The following STARD9 variants were observed in gnomAD, a reference collection of about 807,000 sequenced individuals.
The protein encoded by STARD9 is StAR related lipid transfer domain containing 9.
STARD9 carries 346 observed loss-of-function variants against 399.8 expected under a neutral mutation model. The observed-to-expected ratio is 0.87, with a 90% CI of 0.79 to 0.95. The LOEUF (loss-of-function observed/expected upper bound fraction) is 0.95. STARD9 is among the 40% of genes least tolerant of loss of function. The pLI, the probability that STARD9 is intolerant of heterozygous loss-of-function variation, is 0.00. For synonymous variants in STARD9, 2,203 were observed against 2,143.5 expected, an observed-to-expected ratio of 1.03 and a Z score of -0.77; for missense variants, 5,832 against 5,667.5, an observed-to-expected ratio of 1.03 and a Z score of -0.93.
chr15:42,599,233 C>G (rs1396135311), intron 3 of STARD9, among the ~76,000 whole-genome samples: 2 of 152,146 alleles, frequency 1.3e-5, no homozygotes, highest in African/African-American at 4.8e-5. Flanking sequence ...ACTTGGGGAT[C>G]TCTTTTAAAA....
In STARD9 at chr15:42,689,614, C is replaced by G. The variant is rs1277256669; in HGVS notation, c.8036C>G (p.Thr2679Ser). 7.2e-6 allele frequency: 11 copies of G among 1,537,362 alleles called. No homozygotes were observed. The Admixed American group carries it at 2.2e-4, about 30-fold the overall frequency. ...AAPAQDRKRRTGELRQFAGAS... is the reference protein window; with the variant it reads ...AAPAQDRKRRSGELRQFAGAS... ...CCTGCTCAAGACAGGAAACGTCGTA[C>G]TGGAGAACTGAGGCAGTTCGCGGGA... Residue 2679 changes from threonine to serine, a missense_variant, in exon 23 of 33, where the codon ACT becomes AGT. Coordinates refer to ENST00000290607, the MANE Select transcript of STARD9 (RefSeq NM_020759.3).
At chr15:42,670,946 A>C (rs2060191121) in intron 16 of STARD9, 2 of 152,136 alleles carry the variant, frequency 1.3e-5, no homozygotes, top group Non-Finnish European at 2.9e-5. Context: ...AGATTGATTA[A>C]AATGGTCACT....
chr15:42,589,217 TTTA>T (rs2141687686), intron 3 of STARD9, among the ~76,000 whole-genome samples: 1 of 152,226 alleles, frequency 6.6e-6, no homozygotes, highest in African/African-American at 2.4e-5. Context: ...TTAACAATTA[TTTA>T]TTATTATTTT....
intron 14 of STARD9, 86 bp from the exon 15 acceptor site, chr15:42,665,700 C>T: frequency 1.8e-6 from 2 of 1,086,596 alleles, no homozygotes; most frequent in Non-Finnish European, 2.7e-6. Context: ...TTATCTGCAT[C>T]TTATCCTCCT....
At position 42,665,224 on chromosome 15, in the gene STARD9, CAGTGGTGA is replaced by C. The variant is rs751410632; in HGVS notation, c.1177-28_1177-21del. 2.0e-6 allele frequency: 3 copies of C among 1,512,234 alleles called. No individual in the cohort carries two copies. The South Asian group carries it at 3.6e-5, about 18-fold the overall frequency. The allele number at this position is 1,512,234 out of a possible 1,614,324, so 93.7% of individuals were successfully genotyped here. On this transcript the variant is annotated intron_variant, in intron 13 of 32. Coordinates refer to ENST00000290607, the MANE Select transcript of STARD9 (RefSeq NM_020759.3). ...CAGCTGAGTGGGACTTGATAACAAT[CAGTGGTGA>C]TGGAGTTCTCTGTGTTTCAGGATGC...
intron 26 of STARD9, among the ~76,000 whole-genome samples, chr15:42,698,655 G>T (rs771185007): frequency 6.6e-6 from 1 of 151,992 alleles, no homozygotes; most frequent in African/African-American, 2.4e-5. Flanking sequence ...ATATTTGTCC[G>T]TTTTCCTTTT....
chr15:42,701,260 AG>A (rs2060958020), intron 26 of STARD9, among the ~76,000 whole-genome samples: 2 of 152,128 alleles, frequency 1.3e-5, no homozygotes, highest in Non-Finnish European at 2.9e-5. Flanking sequence ...TATGAATTTT[AG>A]GATTATTTTT....
At chr15:42,630,982 C>CT (rs1320873788) in intron 3 of STARD9, among the ~76,000 whole-genome samples, 232 of 138,686 alleles carry the variant, frequency 1.7e-3, no homozygotes, top group South Asian at 7.2e-3. Flanking sequence ...TTTTCTAGCT[C>CT]TTTTTTTTTT....
At chr15:42,609,853 G>A (rs1256426423) in intron 3 of STARD9, among the ~76,000 whole-genome samples, 1 of 152,106 alleles carries the variant, frequency 6.6e-6, no homozygotes, top group African/African-American at 2.4e-5. Context: ...AGCACTTTGG[G>A]AGGCTGAGGC....
chr15:42,661,594 G>C (rs1300366777), intron 10 of STARD9, among the ~76,000 whole-genome samples: 2 of 151,938 alleles, frequency 1.3e-5, no homozygotes, highest in African/African-American at 4.8e-5. Flanking sequence ...ACAGGCACGT[G>C]ACACCACATC....
rs186674983 is a variant in STARD9, at chr15:42,619,727, G to A, written c.235-15129G>A. ...GAGAGTAGCTGTAAATACAGATGAA[G>A]CTTTACTTGCTCCTCGCCTGCCTGC... On this transcript the variant is annotated intron_variant, in intron 3 of 32. Transcript: ENST00000290607. Among the ~76,000 whole-genome samples the A allele has an allele frequency of 3.7e-3, 570 of 152,258 alleles. 2 individuals carry two copies. The highest frequency in any genetic ancestry group is 5.5e-3 in the Non-Finnish European group (371 of 68,016).
intron 3 of STARD9, among the ~76,000 whole-genome samples, chr15:42,602,728 A>T (rs2058652325): frequency 2.0e-5 from 3 of 152,230 alleles, no homozygotes; most frequent in Non-Finnish European, 4.4e-5. Flanking sequence ...TTACAAAGTC[A>T]TACCTCTATG....
chr15:42,688,486 G>A lies in STARD9; in HGVS notation c.6908G>A (p.Cys2303Tyr). 1 of 1,537,928 alleles carries A rather than the reference G, an allele frequency of 6.5e-7. No individual in the cohort carries two copies. The highest frequency in any genetic ancestry group is 1.2e-5 in the South Asian group (1 of 84,064). Reference sequence around the variant, plus strand: ...AAATTTCCTAGTCTCAGCCAGCTTTGTAGGGACACGTTTTTCAGGCAGGAA... The same window carrying A: ...AAATTTCCTAGTCTCAGCCAGCTTTATAGGGACACGTTTTTCAGGCAGGAA... Reference protein sequence around the residue: ...TQKFPSLSQLCRDTFFRQETV... With the variant: ...TQKFPSLSQLYRDTFFRQETV... The change falls in exon 23 of 33, where the codon TGT (cysteine) becomes TAT (tyrosine). Residue 2303 changes from cysteine (C) to tyrosine (Y), a missense_variant. Transcript: ENST00000290607.
intron 12 of STARD9, 35 bp downstream of exon 12, chr15:42,663,525 A>T (rs1419210566): frequency 6.6e-7 from 1 of 1,517,754 alleles, no homozygotes; most frequent in Non-Finnish European, 8.8e-7. Flanking sequence ...CTGTGTTGGG[A>T]CTGGTACTCT....
chr15:42,607,192 T>G (rs71474495), intron 3 of STARD9, among the ~76,000 whole-genome samples: 7 of 124,742 alleles, frequency 5.6e-5, no homozygotes, highest in Non-Finnish European at 6.7e-5. Flanking sequence ...ATTTTTCTGG[T>G]GCTTTTTTTT....
chr15:42,686,866 T>C lies in STARD9; in HGVS notation c.5288T>C (p.Ile1763Thr). ...GCCCTGACAGAAACTGCCTTAGAGATTCCAGCTTGCAGAGAAGTAAGGGTA... is the reference window on the plus strand; with the variant it reads ...GCCCTGACAGAAACTGCCTTAGAGACTCCAGCTTGCAGAGAAGTAAGGGTA... ...RDALTETALE[I>T]PACREVRVPS... Residue 1763 changes from isoleucine to threonine, a missense_variant, in exon 23 of 33, where the codon ATT becomes ACT. Physicochemically the swap from Ile to Thr is moderately conservative, Grantham distance 89. Around this residue, in one of 2 missense-constraint regions of STARD9, gnomAD observed 5,828 missense variants for 5,651.1 expected, o/e 1.03. Transcript: ENST00000290607. 1 of 1,537,016 alleles carries C rather than the reference T, an allele frequency of 6.5e-7. No homozygotes were observed. The highest frequency in any genetic ancestry group is 8.7e-7 in the Non-Finnish European group (1 of 1,146,894).
At chr15:42,643,209 T>C (rs781743968) in intron 7 of STARD9, among the ~76,000 whole-genome samples, 8 of 152,070 alleles carry the variant, frequency 5.3e-5, no homozygotes, top group Non-Finnish European at 8.8e-5. Context: ...TTGGTTTTGT[T>C]TTTTTGAGAC....
Position 42,693,470 on chromosome 15 carries a change from T to C in STARD9, c.11892T>C (p.Gly3964=). 2 of 1,537,040 alleles carry C rather than the reference T, an allele frequency of 1.3e-6. No individual in the cohort carries two copies. Among genetic ancestry groups the C allele is most frequent in the Non-Finnish European group, 1.7e-6 (2 of 1,146,860 alleles). Residue 3964 remains glycine, a synonymous_variant, in exon 23 of 33, where the codon GGT becomes GGC. Coordinates refer to ENST00000290607, the MANE Select transcript of STARD9 (RefSeq NM_020759.3). ...TTDELGGSQR[G]RSSLQRSNGR... ...ACGAGTTAGGTGGCTCCCAGAGAGG[T>C]AGAAGTTCCTTACAAAGGAGTAATG...
intron 26 of STARD9, among the ~76,000 whole-genome samples, chr15:42,699,309 C>T (rs1347284185): frequency 2.0e-5 from 3 of 151,882 alleles, no homozygotes; most frequent in Admixed American, 6.6e-5. Flanking sequence ...ATCCACTCCC[C>T]ATTCCCTCTT....
Sources: gnomAD v4.1 joint callset for allele counts (sites outside exome capture counted in the v4.1 genomes callset) on GRCh38, gnomAD v4.1.1 for gene constraint, gnomAD v4.1.1 regional missense constraint, MANE v1.5 for transcripts, NCBI Gene and HGNC (gene_info 2026-07-23, HGNC 2026-07-21) for gene names.